The following RMDN2 variants were observed in gnomAD, a reference collection of about 807,000 sequenced individuals.
RMDN2 encodes regulator of microtubule dynamics protein 2.
RMDN2 carries 61 observed loss-of-function variants against 52.8 expected under a neutral mutation model. The observed-to-expected ratio is 1.16, with a 90% CI of 0.94 to 1.43. The LOEUF (loss-of-function observed/expected upper bound fraction) is 1.43. Ranked by LOEUF, RMDN2 falls within the 40% of genes most tolerant of loss-of-function variation. RMDN2 has a pLI of 0.00. For missense variants in RMDN2, 592 were observed against 475.3 expected, an observed-to-expected ratio of 1.25 and a Z score of -2.28; for synonymous variants, 180 against 153.1, an observed-to-expected ratio of 1.18 and a Z score of -1.30.
At chr2:37,996,839 G>C (rs760984958) in intron 7 of RMDN2, among the ~76,000 whole-genome samples, 5 of 152,100 alleles carry the variant, frequency 3.3e-5, no homozygotes, top group Non-Finnish European at 5.9e-5. Flanking sequence ...AGTTTTGGTG[G>C]TTACTGATTT....
At chr2:37,935,116 T>G (rs1369530446) in intron 2 of RMDN2, among the ~76,000 whole-genome samples, 1 of 152,186 alleles carries the variant, frequency 6.6e-6, no homozygotes, top group Admixed American at 6.5e-5. Flanking sequence ...TACTCTCATA[T>G]AGTATCAACA....
intron 10 of RMDN2, among the ~76,000 whole-genome samples, chr2:38,011,054 A>T (rs982674012): frequency 6.6e-6 from 1 of 152,194 alleles, no homozygotes; most frequent in South Asian, 2.1e-4. Context: ...GGGGCACAGC[A>T]TAATTCCGGG....
intron 10 of RMDN2, among the ~76,000 whole-genome samples, chr2:38,031,259 T>C (rs1416479881): frequency 1.4e-5 from 2 of 140,994 alleles, no homozygotes; most frequent in African/African-American, 2.8e-5. Context: ...TGTTTCCCTT[T>C]TTTTTTTTTT....
chr2:38,039,354 A>G (rs1465574127), intron 10 of RMDN2: 1 of 152,164 alleles, frequency 6.6e-6, no homozygotes, highest in Non-Finnish European at 1.5e-5. Flanking sequence ...CTCGGATGGA[A>G]GCCAACATAC....
chr2:37,975,375 C>T, intron 4 of RMDN2, 61 bp downstream of exon 4: 1 of 995,746 alleles, frequency 1.0e-6, no homozygotes. Context: ...AATCATGCAG[C>T]CGTAAAAAAG....
chr2:37,989,711 C>A lies in RMDN2; in HGVS notation c.867+95C>A. 3.8e-6 allele frequency: 3 copies of A among 795,152 alleles called. 1 individual carries two copies. The South Asian group carries it at 5.2e-5, about 14-fold the overall frequency. 49.3% of individuals were successfully genotyped at this position (795,152 alleles called of 1,614,324 possible). On this transcript the variant is annotated intron_variant, in intron 6 of 10. Transcript: ENST00000354545. Reference sequence around the variant, plus strand: ...AAATGTTTTAATGTAGCCATATGTTCCATCAATGGGTATAAACCAGATTAT... The same window carrying A: ...AAATGTTTTAATGTAGCCATATGTTACATCAATGGGTATAAACCAGATTAT...
chr2:37,929,157 T>C, intron 1 of RMDN2, 105 bp from the exon 2 acceptor site: 1 of 660,608 alleles, frequency 1.5e-6, no homozygotes, highest in Non-Finnish European at 2.6e-6. Flanking sequence ...TTTTTGTAAA[T>C]CCTGTGATGT....
At chr2:38,007,621 G>T (rs997405475) in intron 10 of RMDN2, among the ~76,000 whole-genome samples, 1 of 151,968 alleles carries the variant, frequency 6.6e-6, no homozygotes, top group East Asian at 1.9e-4. Flanking sequence ...TCTTCCTAGA[G>T]GTCTATCAAT....
chr2:38,003,597 T>TAGATAGATAGAC (rs1676644396), intron 8 of RMDN2, among the ~76,000 whole-genome samples: 1 of 128,742 alleles, frequency 7.8e-6, no homozygotes, highest in South Asian at 2.4e-4. Context: ...GATAGATAGA[T>TAGATAGATAGAC]AGATAGGCAG....
rs1042152760 is a variant in RMDN2, at chr2:37,964,159, G to T, written c.453-9881G>T. ...CAGACGGGGCGCCTGCCGGGCGGAG[G>T]GGCTCCTCACTTCTCAGACAGGGCA... is the stretch of plus-strand genomic sequence containing the variant. On this transcript the variant is annotated intron_variant, in intron 2 of 10. Coordinates refer to ENST00000354545, the MANE Select transcript of RMDN2 (RefSeq NM_001170791.3). 3.3e-5 allele frequency among the ~76,000 whole-genome samples: 5 copies of T among 151,770 alleles called. No individual in the cohort carries two copies. In the South Asian group the frequency reaches 1.1e-3, roughly 32 times the overall value.
intron 10 of RMDN2, chr2:38,012,672 T>G (rs1678174389): frequency 4.5e-6 from 2 of 443,556 alleles, no homozygotes; most frequent in African/African-American, 2.1e-5. Context: ...TATTTCCATT[T>G]CTTTTTCCAT....
At chr2:37,959,634 C>G (rs538981303) in intron 2 of RMDN2, among the ~76,000 whole-genome samples, 2 of 150,698 alleles carry the variant, frequency 1.3e-5, no homozygotes, top group Admixed American at 1.3e-4. Flanking sequence ...AAGGGTTTTT[C>G]GTGTCTCTAT....
intron 2 of RMDN2, among the ~76,000 whole-genome samples, chr2:37,930,950 C>G (rs1040651506): frequency 6.6e-6 from 1 of 152,138 alleles, no homozygotes; most frequent in Non-Finnish European, 1.5e-5. Context: ...GGGCAGAGGG[C>G]GGCAGGAGCA....
At chr2:37,963,137 T>G (rs974912767) in intron 2 of RMDN2, 3 of 152,322 alleles carry the variant, frequency 2.0e-5, no homozygotes, top group Admixed American at 1.3e-4. Context: ...CCGGAGCTGT[T>G]CCTAGTCAGC....
At chr2:37,976,882 G>T (rs1322364086) in intron 4 of RMDN2, among the ~76,000 whole-genome samples, 1 of 150,396 alleles carries the variant, frequency 6.6e-6, no homozygotes, top group African/African-American at 2.5e-5. Context: ...TCATTCTTGG[G>T]TGTTTCTCGG....
intron 2 of RMDN2, among the ~76,000 whole-genome samples, chr2:37,939,152 A>G (rs2124922270): frequency 6.6e-6 from 1 of 152,238 alleles, no homozygotes; most frequent in Admixed American, 6.5e-5. Flanking sequence ...TTTGTTATTT[A>G]CTCAGTAGTC....
intron 10 of RMDN2, among the ~76,000 whole-genome samples, chr2:38,046,045 G>T (rs764830929): frequency 1.3e-4 from 20 of 152,146 alleles, no homozygotes; most frequent in Non-Finnish European, 2.5e-4. Flanking sequence ...ATATATTCCT[G>T]GTAGTCTGGA....
chr2:38,067,102 A>G, exon 11 of RMDN2: 3 of 1,037,004 alleles, frequency 2.9e-6, no homozygotes, highest in Non-Finnish European at 4.5e-6. Context: ...ATTTTTACCA[A>G]GTAAAAAGAT....
At chr2:38,035,176 T>C (rs1253603598) in intron 10 of RMDN2, among the ~76,000 whole-genome samples, 4 of 152,122 alleles carry the variant, frequency 2.6e-5, no homozygotes, top group Non-Finnish European at 4.4e-5. Flanking sequence ...CAAATACAGA[T>C]GGCAGCCAGT....
Sources: gnomAD v4.1 joint callset for allele counts (sites outside exome capture counted in the v4.1 genomes callset) on GRCh38, gnomAD v4.1.1 for gene constraint, MANE v1.5 for transcripts, NCBI Gene and HGNC (gene_info 2026-07-23, HGNC 2026-07-21) for gene names.